BCAS3: variants seen among roughly 807,000 people sequenced by gnomAD.
The protein encoded by BCAS3 is BCAS3 microtubule associated cell migration factor.
A neutral mutation model predicts 116.1 loss-of-function variants in BCAS3; 53 were observed. The ratio of observed to expected loss-of-function variants is 0.46; its 90% CI spans 0.37 to 0.57. BCAS3 has a LOEUF of 0.57. Ranked by LOEUF, BCAS3 falls within the 20% of genes least tolerant of loss-of-function variation. The pLI is 0.00. For missense variants in BCAS3, 917 were observed against 1,165.4 expected (o/e 0.79, Z 3.10); for synonymous variants, 391 against 408.2 (o/e 0.96, Z 0.51).
rs539379540 is a variant in BCAS3, at chr17:60,703,561, C to CAAAA, written c.215-5649_215-5646dup. ...GGGCAATGGGAGTGAAACCTTGTCT[C>CAAAA]AAAAAAAAAAAATTAATTAAAATAA... On this transcript the variant is annotated intron_variant, in intron 4 of 23. Transcript: ENST00000407086. Among the ~76,000 whole-genome samples, 197 of 139,478 alleles carry CAAAA rather than the reference C, an allele frequency of 1.4e-3. 1 individual carries two copies. Among genetic ancestry groups the CAAAA allele is most frequent in the African/African-American group, 4.8e-3 (186 of 38,626 alleles). The allele number at this position is 139,478 out of a possible 152,430, so 91.5% of individuals were successfully genotyped here. A position where few individuals can be genotyped will look rare whatever the true frequency, so the allele number is the denominator to read the frequency against.
intron 13 of BCAS3, among the ~76,000 whole-genome samples, chr17:60,943,099 ACTG>A (rs1041637267): frequency 1.3e-5 from 2 of 152,186 alleles, no homozygotes; most frequent in African/African-American, 2.4e-5. Flanking sequence ...GAGAAATAAA[ACTG>A]AATAAAATGT....
Position 61,145,889 on chromosome 17 carries a change from A to G in BCAS3, c.2425+61325A>G, listed in dbSNP as rs2077175551. Among the ~76,000 whole-genome samples, 1 of 151,850 alleles carries G rather than the reference A, an allele frequency of 6.6e-6. No homozygotes were observed. Among genetic ancestry groups the G allele is most frequent in the East Asian group, 1.9e-4 (1 of 5,170 alleles). On this transcript the variant is annotated intron_variant, in intron 22 of 23. Transcript: ENST00000407086. This position sits in a 1 kb window ranked among gnomAD's most constrained non-coding sequence, Gnocchi z 5.0. The stretch of plus-strand genomic sequence containing the variant: ...TTTTTTTCTTCCCTCACAAATTTCA[A>G]CCCAGGCCACTTGTTTGCAGAGACT...
chr17:60,801,629 A>G (rs1685309312), intron 6 of BCAS3, among the ~76,000 whole-genome samples: 1 of 152,138 alleles, frequency 6.6e-6, no homozygotes, highest in Admixed American at 6.5e-5. Flanking sequence ...GTGTTAAGTT[A>G]TATCATCTAA....
intron 6 of BCAS3, among the ~76,000 whole-genome samples, chr17:60,796,887 C>T (rs534390758): frequency 3.3e-5 from 5 of 152,002 alleles, no homozygotes; most frequent in Non-Finnish European, 4.4e-5. Flanking sequence ...TTTGCTATAT[C>T]CCAGAGGTTT....
intron 3 of BCAS3, among the ~76,000 whole-genome samples, chr17:60,686,472 A>G (rs184838708): frequency 6.6e-6 from 1 of 152,114 alleles, no homozygotes; most frequent in Non-Finnish European, 1.5e-5. Context: ...GATGGATGGT[A>G]GTTGCCCTTG....
chr17:61,356,368 G>A lies in BCAS3; in HGVS notation c.2426-11959G>A, dbSNP rs2058139895. Among the ~76,000 whole-genome samples, 2 of 152,226 alleles carry A rather than the reference G, an allele frequency of 1.3e-5. No individual in the cohort carries two copies. Among genetic ancestry groups the A allele is most frequent in the African/African-American group, 4.8e-5 (2 of 41,460 alleles). The stretch of plus-strand genomic sequence containing the variant: ...CCTTGGAGGGGGAGAAATCATGAGT[G>A]TGCCAAGTTTAAAACAGAAGAGTAA... On this transcript the variant is annotated intron_variant, in intron 22 of 23. Transcript: ENST00000407086. This position sits in a 1 kb window ranked among gnomAD's most constrained non-coding sequence, Gnocchi z 5.4.
In BCAS3 at chr17:61,259,559, G is replaced by A. The variant is rs78397837; in HGVS notation, c.2426-108768G>A. ...TGTGAACTGCTACTCCAGAAAGCAA[G>A]TTGGTCAACAGAAGAATTTTAATGA... On this transcript the variant is annotated intron_variant, in intron 22 of 23. Transcript: ENST00000407086. This position sits in a 1 kb window ranked among gnomAD's most constrained non-coding sequence, Gnocchi z 4.7. Among the ~76,000 whole-genome samples, 37 of 152,284 alleles carry A rather than the reference G, an allele frequency of 2.4e-4. No homozygotes were observed. In the East Asian group the frequency reaches 6.9e-3, roughly 29 times the overall value.
rs2143214025 is a variant in BCAS3, at chr17:61,339,573, C to T, written c.2426-28754C>T. ...CTGAGGTCAGGAGTTCGAGACCAGCCTAGCCAACATGGTGAAACCCCTTCT... is the reference window on the plus strand; with the variant it reads ...CTGAGGTCAGGAGTTCGAGACCAGCTTAGCCAACATGGTGAAACCCCTTCT... On this transcript the variant is annotated intron_variant, in intron 22 of 23. Transcript: ENST00000407086. This position sits in a 1 kb window ranked among gnomAD's most constrained non-coding sequence, Gnocchi z 4.4. Among the ~76,000 whole-genome samples, 1 of 152,212 alleles carries T rather than the reference C, an allele frequency of 6.6e-6. No homozygotes were observed. The highest frequency in any genetic ancestry group is 6.5e-5 in the Admixed American group (1 of 15,274).
At chr17:60,852,810 A>G (rs1568381982) in intron 7 of BCAS3, among the ~76,000 whole-genome samples, 1 of 152,216 alleles carries the variant, frequency 6.6e-6, no homozygotes, top group Non-Finnish European at 1.5e-5. Context: ...TGCTGAGAAG[A>G]GGTGGAATAA....
At chr17:60,799,703 C>CTTTT (rs2047568049) in intron 6 of BCAS3, among the ~76,000 whole-genome samples, 1 of 51,802 alleles carries the variant, frequency 1.9e-5, no homozygotes, top group African/African-American at 1.1e-4. Context: ...TAATTTTTTT[C>CTTTT]TTTTCTTTTT....
intron 10 of BCAS3, among the ~76,000 whole-genome samples, chr17:60,892,314 T>TTA (rs1323777590): frequency 5.2e-4 from 69 of 133,370 alleles, no homozygotes; most frequent in African/African-American, 2.4e-3. Flanking sequence ...TTTGACTTAT[T>TTA]TTTTTTTTTT....
chr17:60,761,971 T>C (rs2144356403), intron 6 of BCAS3, among the ~76,000 whole-genome samples: 1 of 152,276 alleles, frequency 6.6e-6, no homozygotes. Flanking sequence ...GATGAGCATT[T>C]TTTCACGTGT....
chr17:61,246,265 G>A lies in BCAS3; in HGVS notation c.2426-122062G>A, dbSNP rs377500896. Reference sequence around the variant, plus strand: ...GGAGGCTGAGGCAGGCAGATGGCTTGAGTCCAGGAGTTCAAGACCAGCCTG... The same window carrying A: ...GGAGGCTGAGGCAGGCAGATGGCTTAAGTCCAGGAGTTCAAGACCAGCCTG... On this transcript the variant is annotated intron_variant, in intron 22 of 23. Coordinates refer to ENST00000407086, the MANE Select transcript of BCAS3 (RefSeq NM_017679.5). Among the ~76,000 whole-genome samples the A allele has an allele frequency of 7.9e-5, 12 of 152,002 alleles. No individual in the cohort carries two copies. In the East Asian group the frequency reaches 1.9e-3, roughly 25 times the overall value.
chr17:61,262,543 G>C (rs980542952), intron 22 of BCAS3, among the ~76,000 whole-genome samples: 1 of 152,110 alleles, frequency 6.6e-6, no homozygotes, highest in Non-Finnish European at 1.5e-5. Flanking sequence ...ACTGCGCCCA[G>C]CTAATTTTTG....
At chr17:60,734,598 A>G (rs954479678) in intron 5 of BCAS3, among the ~76,000 whole-genome samples, 1 of 152,216 alleles carries the variant, frequency 6.6e-6, no homozygotes, top group African/African-American at 2.4e-5. Context: ...TCTTGGCTCC[A>G]TTGTATTATC....
intron 22 of BCAS3, among the ~76,000 whole-genome samples, chr17:61,160,491 G>C (rs1167779814): frequency 2.0e-5 from 3 of 152,070 alleles, no homozygotes; most frequent in Non-Finnish European, 4.4e-5. Flanking sequence ...TGGTATGCTT[G>C]GCAAGCTTAG....
At chr17:60,991,856 AATT>A (rs1425476124) in intron 15 of BCAS3, among the ~76,000 whole-genome samples, 6 of 152,154 alleles carry the variant, frequency 3.9e-5, no homozygotes, top group African/African-American at 1.4e-4. Context: ...ATATAAATAT[AATT>A]ATAGAATATA....
chr17:60,935,747 T>TA (rs1319706389), intron 13 of BCAS3, among the ~76,000 whole-genome samples: 1 of 152,226 alleles, frequency 6.6e-6, no homozygotes, highest in African/African-American at 2.4e-5. Context: ...CTTAGTTACT[T>TA]ACTTTCTGAA....
At chr17:60,937,400 A>G (rs1239392935) in intron 13 of BCAS3, among the ~76,000 whole-genome samples, 1 of 151,874 alleles carries the variant, frequency 6.6e-6, no homozygotes, top group Non-Finnish European at 1.5e-5. Context: ...AAAGCCAACA[A>G]GTTTATCTTG....
Sources: allele counts gnomAD v4.1 joint callset (sites outside exome capture counted in the v4.1 genomes callset), GRCh38; gene constraint gnomAD v4.1.1; non-coding constraint Gnocchi (gnomAD v3.1); transcripts MANE v1.5; gene names NCBI Gene and HGNC (gene_info 2026-07-23, HGNC 2026-07-21).